EYA1: variants seen among roughly 807,000 people sequenced by gnomAD.
The protein encoded by EYA1 is protein phosphatase EYA1.
A neutral mutation model predicts 82.0 loss-of-function variants in EYA1; 16 were observed. The ratio of observed to expected loss-of-function variants is 0.20; its 90% confidence interval spans 0.13 to 0.30. The LOEUF (loss-of-function observed/expected upper bound fraction) is 0.30, where lower values mean the gene tolerates loss of function less well. Among genes scored for constraint, EYA1 ranks in the 10% least tolerant of loss-of-function variants. The pLI is 1.00. For missense variants in EYA1, 633 were observed against 730.7 expected, an observed-to-expected ratio of 0.87 and a Z score of 1.54; for synonymous variants, 261 against 264.4, an observed-to-expected ratio of 0.99 and a Z score of 0.12.
At chr8:71,283,105 C>G (rs983954092) in intron 9 of EYA1, among the ~76,000 whole-genome samples, 1 of 148,600 alleles carries the variant, frequency 6.7e-6, no homozygotes, top group African/African-American at 2.4e-5. Flanking sequence ...ACTACAGCTT[C>G]TCTTCCTCCC....
At chr8:71,330,851 TTGTGTG>T (rs35043341) in intron 4 of EYA1, among the ~76,000 whole-genome samples, 52 of 147,134 alleles carry the variant, frequency 3.5e-4, no homozygotes, top group African/African-American at 1.2e-3. Context: ...CCTTGATTTC[TTGTGTG>T]TGTGTGTGTG....
At chr8:71,372,616 G>A (rs1250168488) in intron 2 of EYA1, among the ~76,000 whole-genome samples, 1 of 152,040 alleles carries the variant, frequency 6.6e-6, no homozygotes, top group Non-Finnish European at 1.5e-5. Context: ...GATTGGAGAA[G>A]GTCAGAAGGC....
chr8:71,405,122 C>T (rs1328321939), intron 2 of EYA1, among the ~76,000 whole-genome samples: 1 of 151,974 alleles, frequency 6.6e-6, no homozygotes, highest in Non-Finnish European at 1.5e-5. Flanking sequence ...TATCATATTA[C>T]ACGTTCCAGA....
chr8:71,212,325 A>C (rs1808613937), intron 16 of EYA1, among the ~76,000 whole-genome samples: 1 of 152,246 alleles, frequency 6.6e-6, no homozygotes, highest in Non-Finnish European at 1.5e-5. Context: ...GATGCAATTT[A>C]AATGCCTCTT....
chr8:71,418,064 T>C (rs1830949844), intron 2 of EYA1, among the ~76,000 whole-genome samples: 1 of 152,190 alleles, frequency 6.6e-6, no homozygotes, highest in Non-Finnish European at 1.5e-5. Context: ...AGTAGCCTTT[T>C]AGTGGATTCT....
intron 2 of EYA1, among the ~76,000 whole-genome samples, chr8:71,452,016 C>T (rs1335046020): frequency 1.3e-5 from 2 of 152,174 alleles, no homozygotes; most frequent in African/African-American, 4.8e-5. Context: ...ATTCCCTTTC[C>T]TAGCCAAGGG....
chr8:71,359,493 C>T (rs1827187197), intron 1 of EYA1, among the ~76,000 whole-genome samples: 1 of 152,150 alleles, frequency 6.6e-6, no homozygotes, highest in African/African-American at 2.4e-5. Flanking sequence ...GAGCAAAATT[C>T]ATGACTTTTG....
At chr8:71,429,001 C>T (rs553895110) in intron 2 of EYA1, among the ~76,000 whole-genome samples, 9 of 152,286 alleles carry the variant, frequency 5.9e-5, no homozygotes, top group African/African-American at 2.2e-4. Context: ...CCCAGGAAAA[C>T]AGATCTTGAA....
chr8:71,541,586 T>A (rs1452494902), intron 1 of EYA1, among the ~76,000 whole-genome samples: 2 of 152,210 alleles, frequency 1.3e-5, no homozygotes, highest in Non-Finnish European at 2.9e-5. Flanking sequence ...AATATAGTAC[T>A]TACTATGTGA....
intron 2 of EYA1, among the ~76,000 whole-genome samples, chr8:71,526,225 CAT>C (rs143801026): frequency 0.098 from 14,648 of 149,614 alleles, 1,534 homozygotes; most frequent in East Asian, 0.48. Flanking sequence ...ATGTATATTA[CAT>C]ATATATATTA....
intron 7 of EYA1, among the ~76,000 whole-genome samples, chr8:71,312,095 G>A (rs1400400654): frequency 1.3e-5 from 2 of 152,194 alleles, no homozygotes; most frequent in South Asian, 2.1e-4. Context: ...AAGTGTCAAA[G>A]CACTGACAGT....
chr8:71,357,155 T>C (rs897209473), intron 1 of EYA1, among the ~76,000 whole-genome samples: 5 of 152,234 alleles, frequency 3.3e-5, no homozygotes, highest in Admixed American at 6.5e-5. Flanking sequence ...AATGTGCTCA[T>C]TTACCCTCGC....
intron 11 of EYA1, among the ~76,000 whole-genome samples, chr8:71,266,345 A>G (rs1815810370): frequency 6.6e-6 from 1 of 151,970 alleles, no homozygotes; most frequent in African/African-American, 2.4e-5. Flanking sequence ...ACTGCAAGAC[A>G]CTCTGATCAG....
Position 71,290,032 on chromosome 8 carries a change from A to T in EYA1, c.826+9015T>A, listed in dbSNP as rs888937130. Reference sequence around the variant, plus strand: ...GGTGCCGAGTATAGAACATGGAGGGAGGTTTATTCTTGTCTGTAAACACAT... The same window carrying T: ...GGTGCCGAGTATAGAACATGGAGGGTGGTTTATTCTTGTCTGTAAACACAT... On this transcript the variant is annotated intron_variant, in intron 9 of 17. Transcript: ENST00000340726. 1.3e-4 allele frequency among the ~76,000 whole-genome samples: 20 copies of T among 152,272 alleles called. 1 individual carries two copies. Among genetic ancestry groups the T allele is most frequent in the South Asian group, 2.1e-4 (1 of 4,824 alleles).
chr8:71,531,151 A>G (rs1231560973), intron 2 of EYA1: 1 of 152,174 alleles, frequency 6.6e-6, no homozygotes, highest in East Asian at 1.9e-4. Context: ...ATAATTTTTT[A>G]TTCATGGTCG....
At chr8:71,459,351 G>A (rs908748461) in intron 2 of EYA1, among the ~76,000 whole-genome samples, 10 of 151,854 alleles carry the variant, frequency 6.6e-5, no homozygotes, top group South Asian at 4.2e-4. Context: ...TTTTCTCCTC[G>A]CTTCATGGGT....
intron 3 of EYA1, among the ~76,000 whole-genome samples, chr8:71,344,526 C>T (rs989318439): frequency 6.6e-6 from 1 of 152,166 alleles, no homozygotes; most frequent in African/African-American, 2.4e-5. Context: ...GATGAGGAAA[C>T]TGCAGCTTCA....
At chr8:71,322,844 G>A (rs1822735274) in intron 4 of EYA1, among the ~76,000 whole-genome samples, 1 of 152,132 alleles carries the variant, frequency 6.6e-6, no homozygotes. Context: ...TTCTCAAGTT[G>A]CAAGCTAAGC....
At chr8:71,282,500 C>T (rs917890857) in intron 9 of EYA1, among the ~76,000 whole-genome samples, 1 of 152,218 alleles carries the variant, frequency 6.6e-6, no homozygotes, top group Admixed American at 6.5e-5. Flanking sequence ...ATCAAATAGT[C>T]AAGTCTCAAT....
Sources: gnomAD v4.1 joint callset for allele counts (sites outside exome capture counted in the v4.1 genomes callset) on GRCh38, gnomAD v4.1.1 for gene constraint, MANE v1.5 for transcripts, NCBI Gene and HGNC (gene_info 2026-07-23, HGNC 2026-07-21) for gene names.